SV2C: variants seen among roughly 807,000 people sequenced by gnomAD.
SV2C encodes the protein synaptic vesicle glycoprotein 2C.
SV2C carries 49 observed loss-of-function variants against 79.7 expected under a neutral mutation model. The ratio of observed to expected loss-of-function variants is 0.61; its 90% CI spans 0.49 to 0.78. SV2C has a LOEUF of 0.78. Among genes scored for constraint, SV2C ranks in the 30% least tolerant of loss-of-function variants. The probability of loss-of-function intolerance (pLI) is 0.00; values close to 1 mark genes in which losing one functional copy is unlikely to be tolerated. For synonymous variants in SV2C, 334 were observed against 333.2 expected (o/e 1.00, Z -0.03); for missense variants, 833 against 912.9 (o/e 0.91, Z 1.13).
intron 1 of SV2C, among the ~76,000 whole-genome samples, chr5:76,103,673 C>T (rs74672387): frequency 0.012 from 1,786 of 152,226 alleles, 19 homozygotes; most frequent in Non-Finnish European, 0.019. Context: ...TTATTGAATG[C>T]CTGGGTGCTG....
chr5:76,039,326 T>C, the SV2C span, among the ~76,000 whole-genome samples: 1 of 152,202 alleles, frequency 6.6e-6, no homozygotes, highest in Non-Finnish European at 1.5e-5. Context: ...GCGTGCCAGG[T>C]GACCAAGTAG....
At chr5:75,958,406 A>T in the SV2C span, among the ~76,000 whole-genome samples, 1 of 151,744 alleles carries the variant, frequency 6.6e-6, no homozygotes, top group Non-Finnish European at 1.5e-5. Flanking sequence ...ATGTGGGGGA[A>T]CCTATCTGTC....
At chr5:75,959,348 C>T in the SV2C span, among the ~76,000 whole-genome samples, 4 of 151,960 alleles carry the variant, frequency 2.6e-5, no homozygotes, top group Non-Finnish European at 4.4e-5. Flanking sequence ...CTTCTAAGAA[C>T]ATTTCAGTTA....
chr5:76,188,476 T>C (rs1743989807), intron 2 of SV2C, among the ~76,000 whole-genome samples: 1 of 152,226 alleles, frequency 6.6e-6, no homozygotes, highest in African/African-American at 2.4e-5. Context: ...CTAAGCCATC[T>C]GTTTTAAGAG....
At chr5:75,905,414 A>G in the SV2C span, among the ~76,000 whole-genome samples, 8 of 152,218 alleles carry the variant, frequency 5.3e-5, no homozygotes, top group Non-Finnish European at 1.0e-4. Flanking sequence ...GCATTAAAAG[A>G]TGTATGCCCA....
chr5:76,090,282 G>A (rs1420832180), intron 1 of SV2C, among the ~76,000 whole-genome samples: 1 of 152,176 alleles, frequency 6.6e-6, no homozygotes, highest in African/African-American at 2.4e-5. Flanking sequence ...TGTGAGTGTG[G>A]GGTCCCATGT....
chr5:76,052,697 G>A, the SV2C span, among the ~76,000 whole-genome samples: 3 of 152,166 alleles, frequency 2.0e-5, no homozygotes, highest in African/African-American at 7.2e-5. Flanking sequence ...CCTGACCAAG[G>A]TCTGTCATCA....
At chr5:76,076,695 G>A in the SV2C span, among the ~76,000 whole-genome samples, 1 of 152,150 alleles carries the variant, frequency 6.6e-6, no homozygotes, top group African/African-American at 2.4e-5. Flanking sequence ...AGAGCTCTAT[G>A]ACTTGTATTC....
the SV2C span, among the ~76,000 whole-genome samples, chr5:76,004,433 G>T: frequency 6.6e-6 from 1 of 152,146 alleles, no homozygotes; most frequent in East Asian, 1.9e-4. Context: ...TAGGATTATT[G>T]TCAGGATTAG....
intron 2 of SV2C, among the ~76,000 whole-genome samples, chr5:76,149,766 T>G (rs373728166): frequency 2.0e-5 from 3 of 152,242 alleles, no homozygotes; most frequent in Non-Finnish European, 4.4e-5. Context: ...TGGTCTTTCT[T>G]TCTTATACAC....
intron 1 of SV2C, among the ~76,000 whole-genome samples, chr5:76,123,946 T>C (rs552134914): frequency 1.7e-4 from 26 of 152,330 alleles, no homozygotes; most frequent in African/African-American, 5.8e-4. Flanking sequence ...AAATTAATTA[T>C]ATGCTCATGC....
At chr5:76,351,317 G>A (rs750374568) in intron 12 of SV2C, among the ~76,000 whole-genome samples, 3 of 152,026 alleles carry the variant, frequency 2.0e-5, no homozygotes, top group East Asian at 2.0e-4. Flanking sequence ...GCACGGTGAC[G>A]TGCACCTGTA....
chr5:76,344,167 T>A (rs1749494539), intron 12 of SV2C, among the ~76,000 whole-genome samples: 2 of 152,226 alleles, frequency 1.3e-5, no homozygotes, highest in African/African-American at 4.8e-5. Context: ...TTTTCCAGCA[T>A]TTTTATGATT....
chr5:76,033,544 G>C, the SV2C span, among the ~76,000 whole-genome samples: 1 of 152,224 alleles, frequency 6.6e-6, no homozygotes, highest in Non-Finnish European at 1.5e-5. Context: ...GTTTGTCAAA[G>C]ATCAGATAGT....
At chr5:76,197,664 A>G (rs1744306373) in intron 3 of SV2C, among the ~76,000 whole-genome samples, 1 of 136,748 alleles carries the variant, frequency 7.3e-6, no homozygotes, top group South Asian at 2.3e-4. Flanking sequence ...TTCTCCAGAG[A>G]GAGAGAACCA....
chr5:75,881,292 A>G, the SV2C span, among the ~76,000 whole-genome samples: 2 of 152,344 alleles, frequency 1.3e-5, no homozygotes, highest in East Asian at 3.9e-4. Context: ...AGTAAAATGA[A>G]GAGAAAAATA....
At chr5:76,155,160 G>A (rs1304905867) in intron 2 of SV2C, among the ~76,000 whole-genome samples, 1 of 152,180 alleles carries the variant, frequency 6.6e-6, no homozygotes, top group African/African-American at 2.4e-5. Context: ...TGTCTTCTAA[G>A]TTATTTGTTT....
At chr5:76,040,979 A>G in the SV2C span, among the ~76,000 whole-genome samples, 550 of 152,284 alleles carry the variant, frequency 3.6e-3, 5 homozygotes, top group East Asian at 0.044. Context: ...ACCACTGTCA[A>G]GTCTGAGGAA....
chr5:75,958,829 A>G, the SV2C span, among the ~76,000 whole-genome samples: 4 of 151,900 alleles, frequency 2.6e-5, no homozygotes, highest in African/African-American at 9.7e-5. Flanking sequence ...ACCAGCATTT[A>G]TCTCCAAGGA....
Sources: allele counts gnomAD v4.1 joint callset (sites outside exome capture counted in the v4.1 genomes callset), GRCh38; gene constraint gnomAD v4.1.1; transcripts MANE v1.5; gene names NCBI Gene and HGNC (gene_info 2026-07-23, HGNC 2026-07-21).